The following TENM2 variants were observed in gnomAD, a reference collection of about 807,000 sequenced individuals.
TENM2 encodes teneurin-2.
In TENM2, 52 loss-of-function variants were observed where a neutral mutation model predicts 245.2. The ratio of observed to expected loss-of-function variants is 0.21; its 90% CI spans 0.17 to 0.27. TENM2 has a LOEUF of 0.27. Among genes scored for constraint, TENM2 ranks in the 10% least tolerant of loss-of-function variants. The probability of loss-of-function intolerance (pLI) is 1.00; values close to 1 mark genes in which losing one functional copy is unlikely to be tolerated. For synonymous variants in TENM2, 1,363 were observed against 1,438.9 expected (o/e 0.95, Z 1.19); for missense variants, 3,046 against 3,666.8 (o/e 0.83, Z 4.37).
intron 2 of TENM2, among the ~76,000 whole-genome samples, chr5:167,387,949 T>A (rs547205907): frequency 6.6e-6 from 1 of 152,282 alleles, no homozygotes; most frequent in East Asian, 1.9e-4. Flanking sequence ...TTAATATTTA[T>A]GTTCATCAGG....
intron 2 of TENM2, among the ~76,000 whole-genome samples, chr5:167,747,173 A>G (rs900707327): frequency 6.6e-6 from 1 of 152,180 alleles, no homozygotes; most frequent in Non-Finnish European, 1.5e-5. Context: ...CCAGAGCCAA[A>G]CAAGAATAAA....
chr5:167,012,344 A>G, the TENM2 span, among the ~76,000 whole-genome samples: 1 of 152,218 alleles, frequency 6.6e-6, no homozygotes, highest in Admixed American at 6.5e-5. Flanking sequence ...ATAGTGACCA[A>G]GACTACAAGA....
At position 168,218,074 on chromosome 5, in the gene TENM2, C is replaced by T. The variant is rs1763356792; in HGVS notation, c.4234-51C>T. On this transcript the variant is annotated intron_variant, in intron 22 of 28. Transcript: ENST00000518659. The surrounding 1 kb of genome is among the most constrained non-coding windows in gnomAD (Gnocchi z 5.2). ...AACCAGTAAGTGCCGTACGGTTAAA[C>T]GTTGGACATATTAAAGGCTGTTCTT... The T allele has an allele frequency of 8.9e-6, 14 of 1,571,196 alleles. No individual in the cohort carries two copies. The East Asian group carries it at 1.6e-4, about 18-fold the overall frequency.
At chr5:167,306,781 C>A (rs1755702636) in intron 1 of TENM2, among the ~76,000 whole-genome samples, 1 of 152,178 alleles carries the variant, frequency 6.6e-6, no homozygotes, top group African/African-American at 2.4e-5. Context: ...CACCATAATA[C>A]CCTCTTTCTC....
intron 4 of TENM2, among the ~76,000 whole-genome samples, chr5:167,959,067 A>C (rs1009462277): frequency 1.3e-5 from 2 of 152,132 alleles, no homozygotes; most frequent in African/African-American, 4.8e-5. Context: ...TAATATCCTG[A>C]AGAGTGTTTT....
chr5:168,098,096 C>A, exon 9 of TENM2: 2 of 1,613,560 alleles, frequency 1.2e-6, no homozygotes, highest in Non-Finnish European at 1.7e-6. Context: ...GTCACTGTTT[C>A]CCAGGATTTC....
intron 2 of TENM2, among the ~76,000 whole-genome samples, chr5:167,431,072 A>T (rs1483502451): frequency 1.3e-5 from 2 of 152,196 alleles, no homozygotes; most frequent in African/African-American, 2.4e-5. Context: ...ATAAAGAAAG[A>T]ATTTAAACCT....
the TENM2 span, among the ~76,000 whole-genome samples, chr5:167,195,072 G>C: frequency 6.6e-6 from 1 of 151,944 alleles, no homozygotes; most frequent in Non-Finnish European, 1.5e-5. Flanking sequence ...TATAAAAATA[G>C]AATAAACACC....
intron 1 of TENM2, among the ~76,000 whole-genome samples, chr5:167,353,500 GTTTTT>G (rs59240930): frequency 1.3e-5 from 1 of 79,440 alleles, no homozygotes; most frequent in African/African-American, 5.3e-5. Flanking sequence ...TGTTGTTGTT[GTTTTT>G]TTTTTTTTTT....
At chr5:167,690,477 T>C (rs1757354140) in intron 2 of TENM2, among the ~76,000 whole-genome samples, 1 of 152,140 alleles carries the variant, frequency 6.6e-6, no homozygotes, top group Non-Finnish European at 1.5e-5. Context: ...GGACTTCTCA[T>C]ATTTATACAG....
intron 1 of TENM2, among the ~76,000 whole-genome samples, chr5:167,336,300 C>T (rs760272726): frequency 1.0e-4 from 15 of 147,586 alleles, no homozygotes; most frequent in South Asian, 2.2e-4. Context: ...CTGATCTCAA[C>T]GAGCCCTACT....
intron 2 of TENM2, among the ~76,000 whole-genome samples, chr5:167,720,929 G>A (rs1157448309): frequency 6.6e-6 from 1 of 152,176 alleles, no homozygotes; most frequent in Non-Finnish European, 1.5e-5. Context: ...GACGAAGTTG[G>A]GTGGGTGTTG....
intron 25 of TENM2, among the ~76,000 whole-genome samples, chr5:168,234,143 C>T (rs753491320): frequency 6.6e-6 from 1 of 152,070 alleles, no homozygotes; most frequent in Non-Finnish European, 1.5e-5. Context: ...ATGTCCTCTT[C>T]ACATTGCGGG....
intron 2 of TENM2, among the ~76,000 whole-genome samples, chr5:167,505,961 G>A (rs145458369): frequency 2.0e-5 from 3 of 152,186 alleles, no homozygotes; most frequent in African/African-American, 4.8e-5. Flanking sequence ...TAGGAAAACT[G>A]CTTGAGCCCA....
chr5:168,125,206 C>T (rs1207576120), intron 11 of TENM2, among the ~76,000 whole-genome samples, 156 bp downstream of exon 13: 2 of 152,144 alleles, frequency 1.3e-5, no homozygotes, highest in Admixed American at 6.5e-5. Flanking sequence ...TCTCCTCAAT[C>T]GTGGAGTCTG....
chr5:167,254,526 C>A, the TENM2 span, among the ~76,000 whole-genome samples: 4 of 152,084 alleles, frequency 2.6e-5, no homozygotes, highest in Admixed American at 2.6e-4. Context: ...TAAATTTCTT[C>A]AACTTCTCTC....
chr5:167,737,442 C>T (rs958549230), intron 2 of TENM2, among the ~76,000 whole-genome samples: 1 of 152,202 alleles, frequency 6.6e-6, no homozygotes, highest in Non-Finnish European at 1.5e-5. Flanking sequence ...TGTTTGGCTG[C>T]TGCTTTCGAA....
the TENM2 span, among the ~76,000 whole-genome samples, chr5:167,067,561 T>G: frequency 6.6e-6 from 1 of 152,190 alleles, no homozygotes; most frequent in South Asian, 2.1e-4. Flanking sequence ...ATAAGACACT[T>G]TTTTGAATGG....
At chr5:167,528,154 C>T (rs751865673) in intron 2 of TENM2, among the ~76,000 whole-genome samples, 3 of 151,898 alleles carry the variant, frequency 2.0e-5, no homozygotes, top group Admixed American at 6.6e-5. Flanking sequence ...TTGGAGGCTG[C>T]GAATTAGGGA....
Sources: gnomAD v4.1 joint callset for allele counts (sites outside exome capture counted in the v4.1 genomes callset) on GRCh38, gnomAD v4.1.1 for gene constraint, Gnocchi (gnomAD v3.1) non-coding constraint, MANE v1.5 for transcripts, NCBI Gene and HGNC (gene_info 2026-07-23, HGNC 2026-07-21) for gene names.